Variants in TTN observed in about 807,000 individuals in gnomAD.
TTN encodes the protein titin, also known as connectin.
Under a neutral mutation model 3,223.0 loss-of-function variants are expected in TTN, and 1,525 were observed. The observed-to-expected ratio is 0.47, with a 90% CI of 0.45 to 0.49. The LOEUF is 0.49. Ranked by LOEUF, TTN falls within the 20% of genes least tolerant of loss-of-function variation. TTN has a pLI of 0.00. For missense variants in TTN, 40,786 were observed against 43,424.0 expected (o/e 0.94, Z 5.40); for synonymous variants, 14,094 against 15,161.0 (o/e 0.93, Z 5.17).
chr2:178,538,320 A>T, intron 354 of TTN: 1 of 503,360 alleles, frequency 2.0e-6, no homozygotes, highest in South Asian at 4.1e-5. Flanking sequence ...GGAATTACTC[A>T]AGGAAAGTGC....
intron 13 of TTN, 51 bp downstream of exon 13, chr2:178,789,309 G>GTATT: frequency 6.2e-7 from 1 of 1,601,842 alleles, no homozygotes; most frequent in Admixed American, 1.7e-5. Flanking sequence ...ATGATATGTG[G>GTATT]TATTAATGTA....
Position 178,740,952 on chromosome 2 carries a change from T to G in TTN, c.12281A>C (p.Tyr4094Ser), listed in dbSNP as rs1322322730. 6.2e-7 allele frequency: 1 copy of G among 1,613,826 alleles called. No individual in the cohort carries two copies. The highest frequency in any genetic ancestry group is 8.5e-7 in the Non-Finnish European group (1 of 1,179,858). The change falls in exon 48 of 363, where the codon TAT (tyrosine) becomes TCT (serine). Residue 4094 changes from tyrosine to serine, a missense_variant. Physicochemically the swap from Tyr to Ser is moderately radical, Grantham distance 144. Transcript: ENST00000589042. ...TTCATTGGCTTTAGCAATATGCTCA[T>G]AAGATAGTTGCTGGTTTTCTTCTGT... is the stretch of plus-strand genomic sequence containing the variant. Reference protein sequence around the residue: ...LITEENQQLSYEHIAKANELS... With the variant: ...LITEENQQLSSEHIAKANELS...
intron 180 of TTN, among the ~76,000 whole-genome samples, chr2:178,660,961 A>G (rs1427254417): frequency 7.9e-6 from 1 of 127,202 alleles, no homozygotes; most frequent in Non-Finnish European, 1.7e-5. Flanking sequence ...AATGCAAATC[A>G]AAACCACAAT....
Position 178,532,656 on chromosome 2 carries a change from A to C in TTN, c.103959T>G (p.Arg34653=). 1.2e-6 allele frequency: 2 copies of C among 1,613,938 alleles called. No individual in the cohort carries two copies. The highest frequency in any genetic ancestry group is 1.7e-6 in the Non-Finnish European group (2 of 1,179,846). The change falls in exon 358 of 363, where the codon CGT becomes CGG. Residue 34653 remains arginine, a synonymous_variant. Coordinates refer to ENST00000589042, the MANE Select transcript of TTN (RefSeq NM_001267550.2). Reference sequence around the variant, plus strand: ...CTTCATCAGAGATGTCCCCAAGAGAACGTCTTCTAGGTCGGTAGTAAAAGT... The same window carrying C: ...CTTCATCAGAGATGTCCCCAAGAGACCGTCTTCTAGGTCGGTAGTAAAAGT... The part of the protein sequence containing the change: ...DYDFYYRPRR[R]SLGDISDEEL...
intron 16 of TTN, 92 bp from the exon 17 acceptor site, chr2:178,783,877 A>G: frequency 1.0e-6 from 1 of 1,004,066 alleles, no homozygotes; most frequent in Non-Finnish European, 1.3e-6. Flanking sequence ...TAATTATAAA[A>G]ATATAAAAAT....
chr2:178,537,914 C>T lies in TTN; in HGVS notation c.99293G>A (p.Gly33098Glu), dbSNP rs781236272. The change falls in exon 355 of 363, where the codon GGA becomes GAA. Residue 33098 changes from glycine to glutamate, a missense_variant. By Grantham distance (98) the Gly-to-Glu change is moderately conservative. Transcript: ENST00000589042. ...TTCTTTGCGTATTCCTGGGGCCTCT[C>T]CAGCTGAACAATATGAAAGATAATA... ...AMSIKTKLTS[G>E]EAPGIRKEMK... The T allele has an allele frequency of 1.2e-6, 2 of 1,603,972 alleles. No individual in the cohort carries two copies. Among genetic ancestry groups the T allele is most frequent in the East Asian group, 4.5e-5 (2 of 44,684 alleles).
chr2:178,785,772 T>C (rs1369731017), intron 14 of TTN, 30 bp from the exon 15 acceptor site: 7 of 1,614,024 alleles, frequency 4.3e-6, no homozygotes, highest in African/African-American at 2.7e-5. Flanking sequence ...AGTGATACCA[T>C]TGATCACCAG....
rs770989516 is a variant in TTN, at chr2:178,572,625, T to G, written c.73507A>C (p.Asn24503His). ...AATGCAGACTTGCTGCCTGAACTAT[T>G]TTCTACAGTTAGTATATATTTGCCA... is the stretch of plus-strand genomic sequence containing the variant. Reference protein sequence around the residue: ...DSGKYILTVENSSGSKSAFVN... With the variant: ...DSGKYILTVEHSSGSKSAFVN... The change falls in exon 326 of 363, where the codon AAT (asparagine) becomes CAT (histidine). Residue 24503 changes from asparagine (N) to histidine (H), a missense_variant. Transcript: ENST00000589042. The G allele has an allele frequency of 6.2e-7, 1 of 1,613,308 alleles. No individual in the cohort carries two copies. Among genetic ancestry groups the G allele is most frequent in the Non-Finnish European group, 8.5e-7 (1 of 1,179,550 alleles).
chr2:178,664,926 G>A lies in TTN; in HGVS notation c.36044C>T (p.Thr12015Met), dbSNP rs199868380. ...AATAATTTCTTGAGGAGCTTCGGGC[G>A]CTTGAAAGATATTAGCAATTCACAT... ...PEEPETPRMK[T>M]PEAPQEIIPA... Residue 12015 changes from threonine to methionine, a missense_variant and splice_region_variant, in exon 166 of 363, where the codon ACG becomes ATG. Thr to Met is a moderately conservative substitution (Grantham distance 81, BLOSUM62 -1). Coordinates refer to ENST00000589042, the MANE Select transcript of TTN (RefSeq NM_001267550.2). 79 of 1,604,790 alleles carry A rather than the reference G, an allele frequency of 4.9e-5. No homozygotes were observed. In the South Asian group the frequency reaches 5.7e-4, roughly 12 times the overall value.
At chr2:178,631,849 GAGAT>G (rs1218915152) in intron 236 of TTN, among the ~76,000 whole-genome samples, 1 of 152,040 alleles carries the variant, frequency 6.6e-6, no homozygotes, top group Non-Finnish European at 1.5e-5. Context: ...ATAAAATGAA[GAGAT>G]AGAAAGTATT....
Position 178,706,874 on chromosome 2 carries a change from T to C in TTN, c.29122A>G (p.Arg9708Gly), listed in dbSNP as rs1274452311. The change falls in exon 101 of 363, where the codon AGA becomes GGA. Residue 9708 changes from arginine to glycine, a missense_variant. Arg to Gly is a moderately radical substitution (Grantham distance 125, BLOSUM62 -2). Coordinates refer to ENST00000589042, the MANE Select transcript of TTN (RefSeq NM_001267550.2). ...GAAGTGCACTTACTTTCTACGACTC[T>C]GATACTCTGAGGTTCTGACACAAAA... is the stretch of plus-strand genomic sequence containing the variant. ...LFFVSEPQSI[R>G]VVEKTTATFI... The C allele has an allele frequency of 3.1e-6, 5 of 1,612,162 alleles. No homozygotes were observed. The highest frequency in any genetic ancestry group is 4.2e-6 in the Non-Finnish European group (5 of 1,178,994).
chr2:178,684,307 G>T, intron 132 of TTN, 23 bp downstream of exon 132: 1 of 1,610,128 alleles, frequency 6.2e-7, no homozygotes, highest in South Asian at 1.1e-5. Flanking sequence ...ACAATATTGT[G>T]CATAATGGAA....
chr2:178,748,806 A>C, intron 47 of TTN: 1 of 1,611,756 alleles, frequency 6.2e-7, no homozygotes, highest in Non-Finnish European at 8.5e-7. Context: ...AGCAGCTTTA[A>C]ATTTATTGCA....
At chr2:178,803,470 A>G (rs2094163297) in intron 2 of TTN, among the ~76,000 whole-genome samples, 2 of 151,878 alleles carry the variant, frequency 1.3e-5, no homozygotes, top group African/African-American at 4.8e-5. Flanking sequence ...TATATAGACC[A>G]ATGAAAAGGG....
chr2:178,632,141 A>T lies in TTN; in HGVS notation c.43747+6T>A, dbSNP rs1395201423. On this transcript the variant is annotated splice_donor_region_variant and intron_variant, in intron 236 of 362. Coordinates refer to ENST00000589042, the MANE Select transcript of TTN (RefSeq NM_001267550.2). ...GCAGTAAAATTAAAATTTAAAAAGC[A>T]CTTACCAAGCACAGTGAGTTTAGCT... 5.1e-6 allele frequency: 8 copies of T among 1,574,926 alleles called. No individual in the cohort carries two copies. Among genetic ancestry groups the T allele is most frequent in the Non-Finnish European group, 6.0e-6 (7 of 1,161,584 alleles).
At position 178,535,964 on chromosome 2, in the gene TTN, T is replaced by A. The variant is rs1691318222; in HGVS notation, c.100765+18A>T. 2.0e-6 allele frequency: 3 copies of A among 1,524,136 alleles called. No homozygotes were observed. The East Asian group carries it at 6.8e-5, about 34-fold the overall frequency. 94.4% of individuals were successfully genotyped at this position (1,524,136 alleles called of 1,614,324 possible). A position where few individuals can be genotyped will look rare whatever the true frequency, so the allele number is the denominator to read the frequency against. On this transcript the variant is annotated intron_variant, in intron 357 of 362. Transcript: ENST00000589042. ...AACTCATTTAGCCTCAACTTGATGA[T>A]AATTTATTTATTTTTACCTTCCACT... is the stretch of plus-strand genomic sequence containing the variant.
In TTN at chr2:178,709,488, TATC is replaced by T. The variant is rs1391864009; in HGVS notation, c.28753+75_28753+77del. 9 of 1,436,486 alleles carry T rather than the reference TATC, an allele frequency of 6.3e-6. No individual in the cohort carries two copies. The Admixed American group carries it at 9.5e-5, about 15-fold the overall frequency. The allele number at this position is 1,436,486 out of a possible 1,614,324, so 89.0% of individuals were successfully genotyped here. A position where few individuals can be genotyped will look rare whatever the true frequency, so the allele number is the denominator to read the frequency against. Reference sequence around the variant, plus strand: ...TTTGTTATAACTTACTTGGTCAAGATATCATAAGAAATGCTCATGGATATATAA... The same window carrying T: ...TTTGTTATAACTTACTTGGTCAAGATATAAGAAATGCTCATGGATATATAA... On this transcript the variant is annotated intron_variant, in intron 99 of 362. Transcript: ENST00000589042.
rs55734111 is a variant in TTN at position 178,605,029 on chromosome 2, G to A, written c.54148C>T (p.Arg18050Cys). 264 of 1,606,920 alleles carry A rather than the reference G, an allele frequency of 1.6e-4. 1 individual carries two copies. The East Asian group carries it at 4.5e-3, about 27-fold the overall frequency. The change falls in exon 280 of 363, where the codon CGC becomes TGC. Residue 18050 changes from arginine (R) to cysteine (C), a missense_variant. Coordinates refer to ENST00000589042, the MANE Select transcript of TTN (RefSeq NM_001267550.2). ...ACATTTCGGAACACTGAGCCAAGGC[G>A]ATTGGAAGCAGTAACTGTGTAAGTG... is the stretch of plus-strand genomic sequence containing the variant. ...KGTYTVTASN[R>C]LGSVFRNVHV...
rs1277491841 is a variant in TTN at position 178,587,543 on chromosome 2, C to T, written c.63766G>A (p.Ala21256Thr). 1 of 1,610,204 alleles carries T rather than the reference C, an allele frequency of 6.2e-7. No homozygotes were observed. The highest frequency in any genetic ancestry group is 1.7e-5 in the Admixed American group (1 of 59,618). Residue 21256 changes from alanine to threonine, a missense_variant, in exon 306 of 363, where the codon GCT becomes ACT. Transcript: ENST00000589042. ...AATACTCTGACATTTACGAATACAGCCTTTTCTCCTGCTGGGTTCACAAGT... is the reference window on the plus strand; with the variant it reads ...AATACTCTGACATTTACGAATACAGTCTTTTCTCCTGCTGGGTTCACAAGT... ...LTLVNPAGEK[A>T]VFVNVRVLDT...
Sources: gnomAD v4.1 joint callset for allele counts (sites outside exome capture counted in the v4.1 genomes callset) on GRCh38, gnomAD v4.1.1 for gene constraint, MANE v1.5 for transcripts, NCBI Gene and HGNC (gene_info 2026-07-23, HGNC 2026-07-21) for gene names.